The following GFPT1 variants were observed in gnomAD, a reference collection of about 807,000 sequenced individuals.
GFPT1 encodes the protein glutamine--fructose-6-phosphate transaminase 1, also known as glutamine--fructose-6-phosphate aminotransferase [isomerizing] 1.
GFPT1 carries 40 observed loss-of-function variants against 92.0 expected under a neutral mutation model. That is an observed-to-expected ratio of 0.43 (90% CI 0.34 to 0.57). The LOEUF is 0.57. Ranked by LOEUF, GFPT1 falls within the 20% of genes least tolerant of loss-of-function variation. The pLI, the probability that GFPT1 is intolerant of heterozygous loss-of-function variation, is 0.02. For synonymous variants in GFPT1, 269 were observed against 280.6 expected (o/e 0.96, Z 0.41); for missense variants, 448 against 869.1 (o/e 0.52, Z 6.09).
At chr2:69,337,255 G>A (rs372413313) in intron 15 of GFPT1, among the ~76,000 whole-genome samples, 65 of 151,664 alleles carry the variant, frequency 4.3e-4, no homozygotes, top group Non-Finnish European at 9.0e-4. Flanking sequence ...TAGTAGAGAC[G>A]GGATTCACCA....
intron 11 of GFPT1, among the ~76,000 whole-genome samples, chr2:69,347,257 C>T (rs1671106007): frequency 6.6e-6 from 1 of 151,202 alleles, no homozygotes; most frequent in African/African-American, 2.4e-5. Flanking sequence ...CACTATGTTG[C>T]CCAGGCTGGT....
chr2:69,371,952 A>G (rs1018583470), intron 2 of GFPT1, among the ~76,000 whole-genome samples: 4 of 151,578 alleles, frequency 2.6e-5, no homozygotes, highest in African/African-American at 9.7e-5. Context: ...CTGTAATCCC[A>G]GCACTTTGGG....
intron 6 of GFPT1, among the ~76,000 whole-genome samples, chr2:69,357,814 T>C (rs1671377020): frequency 6.6e-6 from 1 of 152,238 alleles, no homozygotes; most frequent in Non-Finnish European, 1.5e-5. Flanking sequence ...GGCTTGGAAA[T>C]GCTTTTCTAT....
chr2:69,345,595 A>C (rs910196920), intron 12 of GFPT1, among the ~76,000 whole-genome samples: 5 of 152,126 alleles, frequency 3.3e-5, no homozygotes, highest in African/African-American at 1.2e-4. Context: ...ACTACAATCC[A>C]TTTCTGTAAT....
chr2:69,329,564 C>G, intron 16 of GFPT1, 120 bp downstream of exon 16: 1 of 951,216 alleles, frequency 1.1e-6, no homozygotes, highest in East Asian at 2.5e-5. Context: ...TACATCGGAG[C>G]AAACGTAGAA....
At chr2:69,384,831 A>T (rs1439643825) in intron 1 of GFPT1, among the ~76,000 whole-genome samples, 1 of 152,164 alleles carries the variant, frequency 6.6e-6, no homozygotes, top group Non-Finnish European at 1.5e-5. Context: ...GAAAAACTTA[A>T]CTAGATAGCA....
chr2:69,371,115 C>T (rs1174029473), intron 2 of GFPT1, among the ~76,000 whole-genome samples: 2 of 124,410 alleles, frequency 1.6e-5, no homozygotes, highest in Admixed American at 8.7e-5. Flanking sequence ...CTTGCTCTGT[C>T]GCCCAGGATG....
At chr2:69,363,032 G>A (rs945740254) in intron 4 of GFPT1, among the ~76,000 whole-genome samples, 1 of 151,904 alleles carries the variant, frequency 6.6e-6, no homozygotes, top group Non-Finnish European at 1.5e-5. Context: ...GATCACTTGA[G>A]GTCAGGAGTT....
At chr2:69,354,200 G>C in intron 9 of GFPT1, 59 bp downstream of exon 9, 2 of 1,181,766 alleles carry the variant, frequency 1.7e-6, no homozygotes, top group Non-Finnish European at 2.4e-6. Context: ...AAAAGAATTA[G>C]TAAAGAATAA....
chr2:69,380,298 C>T (rs1453472447), intron 1 of GFPT1, among the ~76,000 whole-genome samples: 1 of 152,066 alleles, frequency 6.6e-6, no homozygotes, highest in Non-Finnish European at 1.5e-5. Context: ...GCCGAGATTG[C>T]GCCACTGCAC....
At chr2:69,358,835 C>G (rs1356060052) in intron 5 of GFPT1, among the ~76,000 whole-genome samples, 2 of 152,170 alleles carry the variant, frequency 1.3e-5, no homozygotes, top group African/African-American at 4.8e-5. Context: ...GGAGAAAGTT[C>G]AATTGAACAG....
chr2:69,376,034 T>A (rs1269444727), intron 1 of GFPT1, among the ~76,000 whole-genome samples: 3 of 152,238 alleles, frequency 2.0e-5, no homozygotes, highest in Admixed American at 6.5e-5. Flanking sequence ...TGTTCCTTCA[T>A]GAAGTATCTG....
rs1222197632 is a variant in GFPT1 at position 69,325,936 on chromosome 2, A to C, written c.*253T>G. The C allele has an allele frequency of 2.4e-6, 1 of 417,852 alleles. No individual in the cohort carries two copies. The highest frequency in any genetic ancestry group is 2.0e-5 in the African/African-American group (1 of 49,252). The allele number at this position is 417,852 out of a possible 1,614,324, so 25.9% of individuals were successfully genotyped here. On this transcript the variant is annotated 3_prime_UTR_variant, in exon 20 of 20. Coordinates refer to ENST00000357308, the MANE Select transcript of GFPT1 (RefSeq NM_001244710.2). ...ACACCCAGCATTCTTTAAAGAAAATAATAGCTAGAATCTTTCTGATACAGA... is the reference window on the plus strand; with the variant it reads ...ACACCCAGCATTCTTTAAAGAAAATCATAGCTAGAATCTTTCTGATACAGA...
intron 9 of GFPT1, among the ~76,000 whole-genome samples, chr2:69,352,119 TGA>T (rs1266226268): frequency 1.3e-5 from 2 of 151,120 alleles, no homozygotes; most frequent in African/African-American, 2.4e-5. Context: ...AAAAATTAGC[TGA>T]GAGTGGTAGA....
chr2:69,342,308 C>T (rs558749859), intron 12 of GFPT1, 59 bp from the exon 13 acceptor site: 6 of 1,031,924 alleles, frequency 5.8e-6, no homozygotes, highest in South Asian at 2.6e-5. Context: ...ACTAGGCAAT[C>T]GCATTTTGTG....
chr2:69,365,669 T>C (rs1052249581), intron 3 of GFPT1, among the ~76,000 whole-genome samples: 4 of 152,168 alleles, frequency 2.6e-5, no homozygotes, highest in Admixed American at 2.0e-4. Context: ...AATCTATCAA[T>C]GAATAAACTC....
intron 11 of GFPT1, among the ~76,000 whole-genome samples, chr2:69,346,334 AT>A (rs1406456999): frequency 2.6e-5 from 4 of 151,408 alleles, no homozygotes; most frequent in Non-Finnish European, 5.9e-5. Context: ...GGCCTCCTGG[AT>A]TCAAGGGATT....
At chr2:69,336,635 T>TAA (rs60462236) in intron 15 of GFPT1, among the ~76,000 whole-genome samples, 42 of 140,296 alleles carry the variant, frequency 3.0e-4, no homozygotes, top group Middle Eastern at 3.7e-3. Context: ...GACCCCATCT[T>TAA]AAAAAAAAAA....
chr2:69,330,647 A>G (rs1161159384), intron 15 of GFPT1, among the ~76,000 whole-genome samples: 1 of 150,422 alleles, frequency 6.6e-6, no homozygotes, highest in Admixed American at 6.7e-5. Flanking sequence ...CTCATCTGTT[A>G]TTAGAAATAA....
Sources: allele counts gnomAD v4.1 joint callset (sites outside exome capture counted in the v4.1 genomes callset), GRCh38; gene constraint gnomAD v4.1.1; transcripts MANE v1.5; gene names NCBI Gene and HGNC (gene_info 2026-07-23, HGNC 2026-07-21).